The following SEZ6L variants were observed in gnomAD, a reference collection of about 807,000 sequenced individuals.
SEZ6L encodes the protein seizure 6-like protein.
A neutral mutation model predicts 106.2 loss-of-function variants in SEZ6L; 37 were observed. The ratio of observed to expected loss-of-function variants is 0.35; its 90% CI spans 0.27 to 0.46. The LOEUF is 0.46. Ranked by LOEUF, SEZ6L falls within the 20% of genes least tolerant of loss-of-function variation. The pLI is 1.00. For synonymous variants in SEZ6L, 541 were observed against 570.4 expected, an observed-to-expected ratio of 0.95 and a Z score of 0.73; for missense variants, 1,172 against 1,332.8, an observed-to-expected ratio of 0.88 and a Z score of 1.88.
chr22:26,232,848 A>C (rs1435756367), intron 1 of SEZ6L, among the ~76,000 whole-genome samples: 1 of 152,224 alleles, frequency 6.6e-6, no homozygotes, highest in African/African-American at 2.4e-5. Context: ...CAGTCTCCTC[A>C]TCTGTAAAAC....
intron 10 of SEZ6L, among the ~76,000 whole-genome samples, chr22:26,346,757 C>T (rs1386490633): frequency 6.6e-6 from 1 of 152,226 alleles, no homozygotes; most frequent in Admixed American, 6.5e-5. Flanking sequence ...TGAGCATCCT[C>T]ACAATATGGC....
intron 9 of SEZ6L, among the ~76,000 whole-genome samples, chr22:26,320,691 A>G (rs2082129969): frequency 6.6e-6 from 1 of 152,194 alleles, no homozygotes; most frequent in Non-Finnish European, 1.5e-5. Context: ...GGGGGCCCAG[A>G]GCGAGGGAAG....
intron 1 of SEZ6L, among the ~76,000 whole-genome samples, chr22:26,291,992 G>T (rs2081126009): frequency 2.4e-5 from 2 of 84,024 alleles, no homozygotes; most frequent in Non-Finnish European, 5.2e-5. Context: ...AGGAAGGAAG[G>T]AAGGAAGGAA....
chr22:26,274,401 T>A (rs1007244105), intron 1 of SEZ6L, among the ~76,000 whole-genome samples: 2 of 152,018 alleles, frequency 1.3e-5, no homozygotes, highest in African/African-American at 4.8e-5. Flanking sequence ...ACCTGACATG[T>A]AACAAGCACT....
intron 1 of SEZ6L, among the ~76,000 whole-genome samples, chr22:26,247,390 T>G (rs2079395703): frequency 6.6e-6 from 1 of 152,074 alleles, no homozygotes; most frequent in Admixed American, 6.6e-5. Context: ...GGAAATAAGG[T>G]CTTTGCAGAT....
At chr22:26,273,037 C>T (rs1390653923) in intron 1 of SEZ6L, among the ~76,000 whole-genome samples, 2 of 152,198 alleles carry the variant, frequency 1.3e-5, no homozygotes, top group Non-Finnish European at 2.9e-5. Context: ...AAGTGGTAGC[C>T]ATGGTTGTCA....
chr22:26,222,189 C>T (rs1219808378), intron 1 of SEZ6L, among the ~76,000 whole-genome samples: 1 of 152,210 alleles, frequency 6.6e-6, no homozygotes, highest in Admixed American at 6.5e-5. Flanking sequence ...TTAGCCCACT[C>T]CTTAGATGAT....
intron 1 of SEZ6L, among the ~76,000 whole-genome samples, chr22:26,175,573 C>T (rs142920034): frequency 1.9e-3 from 287 of 152,246 alleles, no homozygotes; most frequent in African/African-American, 6.7e-3. Context: ...AACCAACCCT[C>T]AGTAGTTCCC....
intron 6 of SEZ6L, 41 bp from the exon 7 acceptor site, chr22:26,310,629 G>C: frequency 6.2e-7 from 1 of 1,608,878 alleles, no homozygotes; most frequent in East Asian, 2.2e-5. Context: ...AGTGACCCAG[G>C]AAGATCTGTC....
chr22:26,256,902 T>A (rs1183512789), intron 1 of SEZ6L, among the ~76,000 whole-genome samples: 2 of 152,162 alleles, frequency 1.3e-5, no homozygotes, highest in Non-Finnish European at 2.9e-5. Flanking sequence ...AACATGCTCC[T>A]GTTGCAGCAG....
intron 10 of SEZ6L, among the ~76,000 whole-genome samples, chr22:26,340,860 C>CTTTTTG (rs1569470090): frequency 6.6e-6 from 1 of 152,188 alleles, no homozygotes; most frequent in Non-Finnish European, 1.5e-5. Context: ...GTTACTGAAC[C>CTTTTTG]TCTCTGAGCC....
chr22:26,348,098 C>T (rs2083070920), intron 11 of SEZ6L, among the ~76,000 whole-genome samples, 185 bp downstream of exon 11: 1 of 152,120 alleles, frequency 6.6e-6, no homozygotes, highest in African/African-American at 2.4e-5. Context: ...ACTCAGGTGC[C>T]TTCAGAAACC....
At chr22:26,328,700 GGCAGGCCGAGA>G (rs1439497454) in intron 9 of SEZ6L, among the ~76,000 whole-genome samples, 1 of 152,176 alleles carries the variant, frequency 6.6e-6, no homozygotes, top group African/African-American at 2.4e-5. Flanking sequence ...CCAGGGGGAC[GGCAGGCCGAGA>G]GCAGGAATCT....
intron 1 of SEZ6L, among the ~76,000 whole-genome samples, chr22:26,186,254 A>G (rs1036917974): frequency 1.2e-4 from 19 of 152,180 alleles, no homozygotes; most frequent in Non-Finnish European, 7.3e-5. Flanking sequence ...AACTGACAAG[A>G]AGCCAGCATG....
intron 9 of SEZ6L, among the ~76,000 whole-genome samples, chr22:26,321,234 C>T (rs533163073): frequency 3.7e-4 from 56 of 152,274 alleles, no homozygotes; most frequent in South Asian, 1.5e-3. Flanking sequence ...AACTGAGGCT[C>T]GGGGTGGTGG....
Position 26,311,769 on chromosome 22 carries a change from G to A in SEZ6L, c.1683G>A (p.Ala561=), listed in dbSNP as rs199961565. Residue 561 remains alanine (A), a splice_region_variant and synonymous_variant, in exon 8 of 17, where the codon GCG becomes GCA. Coordinates refer to ENST00000248933, the MANE Select transcript of SEZ6L (RefSeq NM_021115.5). ...GCTGCCTCTCTTTCCCTTCCTCAGCGTTTGAGAAAGGCCACTGCTATGAGC... is the reference window on the plus strand; with the variant it reads ...GCTGCCTCTCTTTCCCTTCCTCAGCATTTGAGAAAGGCCACTGCTATGAGC... The part of the protein sequence containing the change: ...AASTFNIRFE[A]FEKGHCYEPY... The A allele has an allele frequency of 2.2e-5, 35 of 1,613,268 alleles. No individual in the cohort carries two copies. The highest frequency in any genetic ancestry group is 1.0e-4 in the Admixed American group (6 of 59,994).
chr22:26,375,366 C>T (rs775663000), intron 14 of SEZ6L, among the ~76,000 whole-genome samples: 5 of 152,112 alleles, frequency 3.3e-5, no homozygotes, highest in Admixed American at 6.5e-5. Flanking sequence ...CTCCTATGGC[C>T]AACCCACCAA....
At chr22:26,326,648 C>A (rs972511255) in intron 9 of SEZ6L, among the ~76,000 whole-genome samples, 3 of 152,202 alleles carry the variant, frequency 2.0e-5, no homozygotes, top group Non-Finnish European at 4.4e-5. Context: ...CCCCTCATCA[C>A]CCCTCAACCC....
chr22:26,296,787 C>A (rs2081314006), intron 3 of SEZ6L, 101 bp from the exon 4 acceptor site: 5 of 1,007,196 alleles, frequency 5.0e-6, no homozygotes, highest in Non-Finnish European at 6.9e-6. Context: ...CAGGGGCTAG[C>A]AGTACCTGGG....
Sources: gnomAD v4.1 joint callset for allele counts (sites outside exome capture counted in the v4.1 genomes callset) on GRCh38, gnomAD v4.1.1 for gene constraint, MANE v1.5 for transcripts, NCBI Gene and HGNC (gene_info 2026-07-23, HGNC 2026-07-21) for gene names.